The following MAP3K1 variants were observed in gnomAD, a reference collection of about 807,000 sequenced individuals.
MAP3K1 encodes the protein MAP/ERK kinase kinase 1.
MAP3K1 carries 36 observed loss-of-function variants against 144.2 expected under a neutral mutation model. The ratio of observed to expected loss-of-function variants is 0.25; its 90% CI spans 0.19 to 0.33. MAP3K1 has a LOEUF of 0.33. Ranked by LOEUF, MAP3K1 falls within the 10% of genes least tolerant of loss-of-function variation. The pLI is 1.00. For synonymous variants in MAP3K1, 718 were observed against 688.7 expected (o/e 1.04, Z -0.67); for missense variants, 1,650 against 1,881.9 (o/e 0.88, Z 2.28).
chr5:56,873,971 A>T (rs745656507), intron 9 of MAP3K1, among the ~76,000 whole-genome samples: 7 of 152,148 alleles, frequency 4.6e-5, no homozygotes, highest in Non-Finnish European at 7.4e-5. Context: ...TCTCAAGTTG[A>T]TTCTGAGCTG....
At chr5:56,855,579 C>T (rs946375530) in intron 1 of MAP3K1, among the ~76,000 whole-genome samples, 1 of 152,000 alleles carries the variant, frequency 6.6e-6, no homozygotes, top group African/African-American at 2.4e-5. Context: ...GTTTCTTCTT[C>T]CTTTGGCTGA....
In MAP3K1 at chr5:56,816,146, G is replaced by C. The variant is rs571207142; in HGVS notation, c.482+91G>C. On this transcript the variant is annotated intron_variant, in intron 1 of 19. Transcript: ENST00000399503. ...CGGGCACCATGCACGGCGTCCCGGG[G>C]TTCAGCGCAGCGAGGCTACGCGCCG... 49 of 1,132,614 alleles carry C rather than the reference G, an allele frequency of 4.3e-5. No individual in the cohort carries two copies. The African/African-American group carries it at 7.8e-4, about 18-fold the overall frequency. The allele number at this position is 1,132,614 out of a possible 1,614,324, so 70.2% of individuals were successfully genotyped here.
In MAP3K1 at chr5:56,815,756, G is replaced by A. The variant is rs2111726173; in HGVS notation, c.183G>A (p.Gln61=). The A allele has an allele frequency of 7.3e-7, 1 of 1,377,510 alleles. No homozygotes were observed. The highest frequency in any genetic ancestry group is 9.4e-7 in the Non-Finnish European group (1 of 1,061,584). The allele number at this position is 1,377,510 out of a possible 1,614,324, so 85.3% of individuals were successfully genotyped here. A position where few individuals can be genotyped will look rare whatever the true frequency, so the allele number is the denominator to read the frequency against. The change falls in exon 1 of 20, where the codon CAG becomes CAA. Residue 61 remains glutamine (Q), a synonymous_variant. Transcript: ENST00000399503. The stretch of plus-strand genomic sequence containing the variant: ...AGCGGGCGGACTGGCGGCGGCGGCA[G>A]CTGCGCAAAGTGCGGAGTGTGGAGC... The part of the protein sequence containing the change: ...GRERADWRRR[Q]LRKVRSVELD...
intron 1 of MAP3K1, among the ~76,000 whole-genome samples, chr5:56,821,746 G>A (rs1746159436): frequency 6.6e-6 from 1 of 152,014 alleles, no homozygotes; most frequent in Non-Finnish European, 1.5e-5. Context: ...TCTTCAAACT[G>A]GTCTTATGGT....
intron 6 of MAP3K1, among the ~76,000 whole-genome samples, chr5:56,870,049 G>A (rs1747803488): frequency 6.6e-6 from 1 of 152,056 alleles, no homozygotes; most frequent in African/African-American, 2.4e-5. Context: ...TTATTTTGCT[G>A]GTAGTTACTC....
At chr5:56,844,641 C>T (rs528930300) in intron 1 of MAP3K1, among the ~76,000 whole-genome samples, 35 of 152,262 alleles carry the variant, frequency 2.3e-4, no homozygotes, top group Admixed American at 1.4e-3. Flanking sequence ...GATCACTCCA[C>T]CTTCGCAACT....
intron 1 of MAP3K1, among the ~76,000 whole-genome samples, chr5:56,854,329 AG>A (rs1747266708): frequency 6.7e-6 from 1 of 149,492 alleles, no homozygotes; most frequent in Non-Finnish European, 1.5e-5. Flanking sequence ...GCTACTTGGA[AG>A]GCTGAGGCAG....
At position 56,858,102 on chromosome 5, in the gene MAP3K1, A is replaced by G. The variant is rs1440778997; in HGVS notation, c.633+1352A>G. On this transcript the variant is annotated intron_variant, in intron 2 of 19. Coordinates refer to ENST00000399503, the MANE Select transcript of MAP3K1 (RefSeq NM_005921.2). ...TTTATCTTAGAGAAGAGAAAGTGCT[A>G]TTGAAACATCTTGTAGAATGTTGGC... 2.0e-5 allele frequency among the ~76,000 whole-genome samples: 3 copies of G among 152,334 alleles called. No individual in the cohort carries two copies. In the East Asian group the frequency reaches 5.8e-4, roughly 29 times the overall value.
chr5:56,850,886 C>T (rs1332785333), intron 1 of MAP3K1, among the ~76,000 whole-genome samples: 1 of 152,168 alleles, frequency 6.6e-6, no homozygotes, highest in African/African-American at 2.4e-5. Context: ...TATTTCCTTC[C>T]TAAGGATGAG....
chr5:56,855,540 C>T (rs1291170007), intron 1 of MAP3K1, among the ~76,000 whole-genome samples: 1 of 152,114 alleles, frequency 6.6e-6, no homozygotes, highest in Non-Finnish European at 1.5e-5. Flanking sequence ...TTAACCGTTT[C>T]CTTTCTAGTG....
chr5:56,826,072 C>T (rs1194795420), intron 1 of MAP3K1, among the ~76,000 whole-genome samples: 1 of 151,902 alleles, frequency 6.6e-6, no homozygotes, highest in Non-Finnish European at 1.5e-5. Context: ...TCTGGTTGGA[C>T]TGTTGACCAG....
chr5:56,879,317 G>C (rs1232815767), intron 11 of MAP3K1, among the ~76,000 whole-genome samples: 1 of 152,112 alleles, frequency 6.6e-6, no homozygotes, highest in Non-Finnish European at 1.5e-5. Context: ...CAAACTGCAT[G>C]GATCTCCACA....
At chr5:56,873,088 T>C in intron 9 of MAP3K1, 83 bp downstream of exon 9, 10 of 1,353,616 alleles carry the variant, frequency 7.4e-6, no homozygotes, top group Non-Finnish European at 9.3e-6. Context: ...CAGTTGTTCA[T>C]AATTTAAAAA....
chr5:56,895,697 A>G lies in MAP3K1; in HGVS notation c.*2017A>G, dbSNP rs1025522548. 4.3e-6 allele frequency: 1 copy of G among 232,240 alleles called. No homozygotes were observed. Among genetic ancestry groups the G allele is most frequent in the Non-Finnish European group, 8.5e-6 (1 of 117,530 alleles). 14.4% of individuals were successfully genotyped at this position (232,240 alleles called of 1,614,324 possible). ...GTTTTTTGTTTTGTTTTCAATGCAA[A>G]TGTGATGTAATATTCTTATTTTCTT... On this transcript the variant is annotated 3_prime_UTR_variant, in exon 20 of 20. Coordinates refer to ENST00000399503, the MANE Select transcript of MAP3K1 (RefSeq NM_005921.2).
intron 4 of MAP3K1, 35 bp downstream of exon 4, chr5:56,864,969 G>C: frequency 6.4e-7 from 1 of 1,569,968 alleles, no homozygotes; most frequent in South Asian, 1.1e-5. Context: ...TTTATTAGTA[G>C]TAGTATATGG....
At chr5:56,856,994 C>G (rs1401466897) in intron 2 of MAP3K1, among the ~76,000 whole-genome samples, 1 of 152,134 alleles carries the variant, frequency 6.6e-6, no homozygotes, top group East Asian at 1.9e-4. Context: ...CAAGACTGCC[C>G]TCTCATGTCA....
Position 56,891,159 on chromosome 5 carries a change from C to CA in MAP3K1, c.4390-2372_4390-2371insA, listed in dbSNP as rs1389437136. Among the ~76,000 whole-genome samples, 53 of 144,986 alleles carry CA rather than the reference C, an allele frequency of 3.7e-4. 1 individual carries two copies. Among genetic ancestry groups the CA allele is most frequent in the Admixed American group, 1.5e-3 (21 of 14,358 alleles). Reference sequence around the variant, plus strand: ...ACAGACACACACACACCCCCCCCCCCCACACACACACACACAAATCATCAG... The same window carrying CA: ...ACAGACACACACACACCCCCCCCCCCACACACACACACACACAAATCATCAG... On this transcript the variant is annotated intron_variant, in intron 19 of 19. Coordinates refer to ENST00000399503, the MANE Select transcript of MAP3K1 (RefSeq NM_005921.2).
chr5:56,818,495 T>C (rs1229569089), intron 1 of MAP3K1, among the ~76,000 whole-genome samples: 1 of 152,142 alleles, frequency 6.6e-6, no homozygotes, highest in African/African-American at 2.4e-5. Context: ...AAAATATACT[T>C]TGAATTAGAA....
At position 56,815,973 on chromosome 5, in the gene MAP3K1, G is replaced by A; in HGVS notation, c.400G>A (p.Gly134Ser). ...CGAGTCGGTGGCGGCGCCGGACAGC[G>A]GCGCCTCGAGTCCCGCAGCGGCCGA... ...LTESVAAPDSGASSPAAAEPG... is the reference protein window; with the variant it reads ...LTESVAAPDSSASSPAAAEPG... Residue 134 changes from glycine to serine, a missense_variant, in exon 1 of 20, where the codon GGC becomes AGC. Coordinates refer to ENST00000399503, the MANE Select transcript of MAP3K1 (RefSeq NM_005921.2). 1 of 1,257,492 alleles carries A rather than the reference G, an allele frequency of 8.0e-7. No homozygotes were observed. Among genetic ancestry groups the A allele is most frequent in the East Asian group, 3.3e-5 (1 of 30,394 alleles). 77.9% of individuals were successfully genotyped at this position (1,257,492 alleles called of 1,614,324 possible).
Sources: allele counts gnomAD v4.1 joint callset (sites outside exome capture counted in the v4.1 genomes callset), GRCh38; gene constraint gnomAD v4.1.1; transcripts MANE v1.5; gene names NCBI Gene and HGNC (gene_info 2026-07-23, HGNC 2026-07-21).